Variants in NRG3 observed in about 807,000 individuals in gnomAD.
The protein encoded by NRG3 is pro-neuregulin-3, membrane-bound isoform.
A neutral mutation model predicts 66.9 loss-of-function variants in NRG3; 31 were observed. The ratio of observed to expected loss-of-function variants is 0.46; its 90% CI spans 0.35 to 0.63. The LOEUF (loss-of-function observed/expected upper bound fraction) is 0.63. NRG3 is among the 20% of genes least tolerant of loss of function. The probability of loss-of-function intolerance (pLI) is 0.00; values close to 1 mark genes in which losing one functional copy is unlikely to be tolerated. For synonymous variants in NRG3, 393 were observed against 359.4 expected (o/e 1.09, Z -1.06); for missense variants, 910 against 878.9 (o/e 1.04, Z -0.45).
At chr10:82,541,082 C>G (rs1337935906) in intron 2 of NRG3, among the ~76,000 whole-genome samples, 4 of 152,114 alleles carry the variant, frequency 2.6e-5, no homozygotes, top group South Asian at 2.1e-4. Context: ...CTGCTGTCAC[C>G]TTGATCTCAG....
chr10:82,129,021 T>C (rs2068639850), intron 1 of NRG3, among the ~76,000 whole-genome samples: 1 of 151,938 alleles, frequency 6.6e-6, no homozygotes, highest in Non-Finnish European at 1.5e-5. Context: ...CAAGCGATTC[T>C]CCTGTCTCAG....
chr10:82,210,952 G>C (rs899069257), intron 1 of NRG3, among the ~76,000 whole-genome samples: 3 of 150,700 alleles, frequency 2.0e-5, no homozygotes, highest in Non-Finnish European at 4.4e-5. Flanking sequence ...GCATATCTTG[G>C]TATAGTGTAA....
At chr10:81,950,202 C>G (rs1849222503) in intron 1 of NRG3, among the ~76,000 whole-genome samples, 1 of 152,162 alleles carries the variant, frequency 6.6e-6, no homozygotes, top group South Asian at 2.1e-4. Flanking sequence ...TCACTCCCAT[C>G]TTCACCACAC....
At chr10:82,513,154 T>A (rs925437052) in intron 2 of NRG3, among the ~76,000 whole-genome samples, 2 of 152,178 alleles carry the variant, frequency 1.3e-5, no homozygotes, top group African/African-American at 4.8e-5. Context: ...CCCCTCCCTA[T>A]GTCCATATGT....
chr10:81,929,514 C>T (rs1564665901), intron 1 of NRG3, among the ~76,000 whole-genome samples: 1 of 152,166 alleles, frequency 6.6e-6, no homozygotes. Context: ...CCAGGCTCCT[C>T]ATGATGGGTT....
intron 1 of NRG3, among the ~76,000 whole-genome samples, chr10:82,097,937 T>C (rs1362889330): frequency 6.6e-6 from 1 of 152,040 alleles, no homozygotes; most frequent in Non-Finnish European, 1.5e-5. Flanking sequence ...CCACTTTTAA[T>C]CGGGTCATTT....
chr10:82,263,430 A>G (rs1589514546), intron 1 of NRG3, among the ~76,000 whole-genome samples: 2 of 152,206 alleles, frequency 1.3e-5, no homozygotes, highest in African/African-American at 4.8e-5. Flanking sequence ...ATTTTCTTCC[A>G]GTGTGCTAAG....
chr10:82,307,856 T>A (rs576945774), intron 1 of NRG3, among the ~76,000 whole-genome samples: 4 of 152,164 alleles, frequency 2.6e-5, no homozygotes, highest in Admixed American at 6.5e-5. Flanking sequence ...TTTCACTATT[T>A]TTTTCACATT....
chr10:82,092,710 A>G (rs1354502341), intron 1 of NRG3, among the ~76,000 whole-genome samples: 5 of 152,222 alleles, frequency 3.3e-5, no homozygotes, highest in Admixed American at 3.3e-4. Flanking sequence ...AGAAGGAGAT[A>G]CTATGTCTTT....
intron 1 of NRG3, among the ~76,000 whole-genome samples, chr10:82,097,444 T>G (rs1227242489): frequency 7.0e-6 from 1 of 143,250 alleles, no homozygotes; most frequent in African/African-American, 2.6e-5. Context: ...TATATATATC[T>G]GTAATATATA....
intron 3 of NRG3, among the ~76,000 whole-genome samples, chr10:82,842,094 T>G (rs1364392324): frequency 1.3e-5 from 2 of 152,104 alleles, no homozygotes; most frequent in East Asian, 3.9e-4. Flanking sequence ...CTACTAAAAA[T>G]ACAAAAATTT....
chr10:82,875,468 C>T (rs902984708), intron 4 of NRG3, among the ~76,000 whole-genome samples: 11 of 152,088 alleles, frequency 7.2e-5, no homozygotes, highest in Middle Eastern at 3.2e-3. Flanking sequence ...AGTCTTCTTC[C>T]CATTTTAACC....
chr10:81,949,887 G>A (rs1849180601), intron 1 of NRG3, among the ~76,000 whole-genome samples: 1 of 152,172 alleles, frequency 6.6e-6, no homozygotes, highest in African/African-American at 2.4e-5. Flanking sequence ...TTTGTGAGCT[G>A]TGTTAATTGC....
In NRG3 at chr10:82,608,282, T is replaced by G. The variant is rs976843958; in HGVS notation, c.954-130295T>G. ...TTGAATGTAGAAGAGAAATTTAATG[T>G]AGTACTTATCTTTGCTTCTTTTTAT... On this transcript the variant is annotated intron_variant, in intron 2 of 8. Coordinates refer to ENST00000372141, the MANE Select transcript of NRG3 (RefSeq NM_001010848.4). 4.6e-5 allele frequency among the ~76,000 whole-genome samples: 7 copies of G among 152,206 alleles called. No homozygotes were observed. The South Asian group carries it at 1.4e-3, about 31-fold the overall frequency.
intron 3 of NRG3, among the ~76,000 whole-genome samples, chr10:82,799,526 C>CAAAAAA (rs67074946): frequency 9.1e-5 from 10 of 109,662 alleles, no homozygotes; most frequent in African/African-American, 1.9e-4. Context: ...AATTCCGTCT[C>CAAAAAA]AAAAAAAAAA....
chr10:82,482,005 T>C (rs1842313034), intron 2 of NRG3, among the ~76,000 whole-genome samples: 2 of 152,120 alleles, frequency 1.3e-5, no homozygotes, highest in Admixed American at 1.3e-4. Flanking sequence ...AAAATTACAA[T>C]TCTGTAGTAG....
chr10:81,936,944 T>C (rs1281550950), intron 1 of NRG3, among the ~76,000 whole-genome samples: 2 of 152,198 alleles, frequency 1.3e-5, no homozygotes, highest in Non-Finnish European at 2.9e-5. Flanking sequence ...TCTACAACTT[T>C]TCCATCTTTT....
At chr10:82,549,234 GT>G (rs1332045141) in intron 2 of NRG3, among the ~76,000 whole-genome samples, 1 of 152,148 alleles carries the variant, frequency 6.6e-6, no homozygotes, top group African/African-American at 2.4e-5. Flanking sequence ...AGTGTTTATA[GT>G]TTATGAATTT....
chr10:82,397,720 T>C (rs1169045766), intron 2 of NRG3, among the ~76,000 whole-genome samples: 2 of 152,184 alleles, frequency 1.3e-5, no homozygotes, highest in East Asian at 1.9e-4. Flanking sequence ...CCAGGAAATA[T>C]GTGGTAAGGA....
Sources: allele counts gnomAD v4.1 joint callset (sites outside exome capture counted in the v4.1 genomes callset), GRCh38; gene constraint gnomAD v4.1.1; transcripts MANE v1.5; gene names NCBI Gene and HGNC (gene_info 2026-07-23, HGNC 2026-07-21).